The following RRP12 variants were observed in gnomAD, a reference collection of about 807,000 sequenced individuals.
The protein encoded by RRP12 is ribosomal RNA processing 12 homolog, also known as RRP12-like protein.
Under a neutral mutation model 157.3 loss-of-function variants are expected in RRP12, and 78 were observed. The observed-to-expected ratio is 0.50, with a 90% CI of 0.41 to 0.60. The LOEUF is 0.60. Among genes scored for constraint, RRP12 ranks in the 20% least tolerant of loss-of-function variants. The pLI is 0.00. For synonymous variants in RRP12, 726 were observed against 670.9 expected (o/e 1.08, Z -1.27); for missense variants, 1,521 against 1,679.9 (o/e 0.91, Z 1.65).
rs1844136773 is a variant in RRP12, at chr10:97,371,023, C to T, written c.2402G>A (p.Ser801Asn). 1 of 1,613,822 alleles carries T rather than the reference C, an allele frequency of 6.2e-7. No individual in the cohort carries two copies. The highest frequency in any genetic ancestry group is 1.3e-5 in the African/African-American group (1 of 74,902). ...AYRVLEEVCA[S>N]PQGPGALFVQ... ...GAAGAGGGCCCCGGGGCCCTGAGGA[C>T]TGGCACACACCTCCTCCAGCACTCG... Residue 801 changes from serine (S) to asparagine (N), a missense_variant, in exon 21 of 34, where the codon AGT becomes AAT. Coordinates refer to ENST00000370992, the MANE Select transcript of RRP12 (RefSeq NM_015179.4).
chr10:97,371,593 G>C (rs574343034), intron 20 of RRP12: 1 of 184,710 alleles, frequency 5.4e-6, no homozygotes, highest in African/African-American at 2.3e-5. Flanking sequence ...GTGGCAATGG[G>C]GGCAGCTTTC....
intron 8 of RRP12, among the ~76,000 whole-genome samples, chr10:97,386,247 G>C (rs954460577): frequency 1.3e-5 from 2 of 149,256 alleles, no homozygotes; most frequent in African/African-American, 5.0e-5. Context: ...GGCTATAAAC[G>C]GTCTGTTACA....
intron 4 of RRP12, among the ~76,000 whole-genome samples, chr10:97,393,028 T>C (rs1057035304): frequency 6.6e-6 from 1 of 151,834 alleles, no homozygotes; most frequent in Non-Finnish European, 1.5e-5. Flanking sequence ...CCACAGCATG[T>C]AGCCTACCCA....
intron 11 of RRP12, 21 bp from the exon 12 acceptor site, chr10:97,381,504 C>T (rs1844466493): frequency 2.5e-6 from 4 of 1,581,996 alleles, no homozygotes; most frequent in Non-Finnish European, 3.4e-6. Context: ...AGGCCACAGG[C>T]TTTCTGGGCC....
intron 23 of RRP12, 85 bp from the exon 24 acceptor site, chr10:97,370,359 G>C: frequency 7.3e-7 from 1 of 1,368,000 alleles, no homozygotes; most frequent in South Asian, 1.2e-5. Context: ...GCCTGCCCAG[G>C]GCCAGGGCAC....
intron 13 of RRP12, 45 bp downstream of exon 13, chr10:97,380,754 A>G (rs7078004): frequency 0.34 from 475,753 of 1,398,050 alleles, 82,841 homozygotes; most frequent in African/African-American, 0.51. Flanking sequence ...ATAGTCCAAG[A>G]GCCAGCACCA....
chr10:97,381,122 G>C (rs1844455339), intron 12 of RRP12, among the ~76,000 whole-genome samples: 2 of 152,210 alleles, frequency 1.3e-5, no homozygotes, highest in South Asian at 4.1e-4. Flanking sequence ...AGTGCTTAAA[G>C]AAAAACCAAT....
chr10:97,372,810 G>A lies in RRP12; in HGVS notation c.2182-7C>T, dbSNP rs1298334433. ...CCAGGAGACTGTTCACCAACTTGTG[G>A]CCCCGAGGGAATGAGGAGAAGAGAG... On this transcript the variant is annotated splice_region_variant and splice_polypyrimidine_tract_variant and intron_variant, in intron 18 of 33. Coordinates refer to ENST00000370992, the MANE Select transcript of RRP12 (RefSeq NM_015179.4). 1 of 1,559,896 alleles carries A rather than the reference G, an allele frequency of 6.4e-7. No homozygotes were observed.
chr10:97,370,636 A>AT, intron 22 of RRP12, 76 bp from the exon 23 acceptor site: 1 of 1,587,204 alleles, frequency 6.3e-7, no homozygotes, highest in Non-Finnish European at 8.7e-7. Context: ...TCCCACTCCC[A>AT]TCACTGCCCT....
intron 15 of RRP12, among the ~76,000 whole-genome samples, chr10:97,376,337 C>T (rs1844307235): frequency 6.6e-6 from 1 of 150,796 alleles, no homozygotes; most frequent in Non-Finnish European, 1.5e-5. Context: ...GCCTCAGCCT[C>T]CCAAGTAGCT....
intron 1 of RRP12, 137 bp downstream of exon 1, chr10:97,400,956 G>A: frequency 1.9e-6 from 2 of 1,077,722 alleles, no homozygotes; most frequent in Admixed American, 5.6e-5. Context: ...CCTTCAGAGA[G>A]GGCTCCAGAT....
chr10:97,373,663 C>A lies in RRP12; in HGVS notation c.1938G>T (p.Thr646=), dbSNP rs143648120. ...GACGCTCGCTGATGGCCATGCCCAG[C>A]GTCCGTGCCAGCCCTTTGAAGGAGA... The part of the protein sequence containing the change: ...VAISFKGLAR[T]LGMAISERPD... The change falls in exon 17 of 34, where the codon ACG becomes ACT. Residue 646 remains threonine, a synonymous_variant. Transcript: ENST00000370992. 1.2e-5 allele frequency: 20 copies of A among 1,613,790 alleles called. No homozygotes were observed. Among genetic ancestry groups the A allele is most frequent in the Middle Eastern group, 1.6e-4 (1 of 6,068 alleles).
At chr10:97,358,311 G>A (rs574423073) in intron 33 of RRP12, among the ~76,000 whole-genome samples, 2 of 151,964 alleles carry the variant, frequency 1.3e-5, no homozygotes, top group East Asian at 1.9e-4. Context: ...CCAGCCTGGC[G>A]ACAGAGCAAG....
chr10:97,386,131 G>A, intron 8 of RRP12, 138 bp from the exon 9 acceptor site: 1 of 595,820 alleles, frequency 1.7e-6, no homozygotes, highest in Non-Finnish European at 3.1e-6. Context: ...ACACCCTGAG[G>A]ACTGCCACCT....
In RRP12 at chr10:97,366,748, C is replaced by T; in HGVS notation, c.3209G>A (p.Gly1070Asp). The change falls in exon 27 of 34, where the codon GGT (glycine) becomes GAT (aspartate). Residue 1070 changes from glycine (G) to aspartate (D), a missense_variant. Coordinates refer to ENST00000370992, the MANE Select transcript of RRP12 (RefSeq NM_015179.4). The part of the protein sequence containing the change: ...EEEEEPAQGK[G>D]DSIEEILADS... ...GGCCCTAACATGGTCTCACCTGTCA[C>T]CTTTGCCCTGGGCGGGCTCCTCCTC... is the stretch of plus-strand genomic sequence containing the variant. 8.1e-6 allele frequency: 13 copies of T among 1,613,184 alleles called. No homozygotes were observed. Among genetic ancestry groups the T allele is most frequent in the Non-Finnish European group, 1.1e-5 (13 of 1,179,582 alleles).
At chr10:97,387,770 A>C (rs1299031033) in intron 8 of RRP12, among the ~76,000 whole-genome samples, 1 of 151,760 alleles carries the variant, frequency 6.6e-6, no homozygotes, top group Non-Finnish European at 1.5e-5. Flanking sequence ...GAGAAACCCC[A>C]TCTCTACTAA....
At chr10:97,373,520 G>T in intron 17 of RRP12, 55 bp downstream of exon 17, 1 of 1,514,724 alleles carries the variant, frequency 6.6e-7, no homozygotes. Context: ...CCAGGGGATG[G>T]GGCCAGGGAC....
intron 6 of RRP12, among the ~76,000 whole-genome samples, chr10:97,388,834 T>C (rs1273967371): frequency 6.6e-6 from 1 of 152,208 alleles, no homozygotes; most frequent in Non-Finnish European, 1.5e-5. Flanking sequence ...ATCCCTGCTC[T>C]ACAACTAACT....
chr10:97,388,358 G>C lies in RRP12; in HGVS notation c.911C>G (p.Thr304Arg). The change falls in exon 8 of 34, where the codon ACG becomes AGG. Residue 304 changes from threonine (T) to arginine (R), a missense_variant. Coordinates refer to ENST00000370992, the MANE Select transcript of RRP12 (RefSeq NM_015179.4). ...KSGGSKEATTTLHMLTLLKDL... is the reference protein window; with the variant it reads ...KSGGSKEATTRLHMLTLLKDL... ...CTTCAGCAGCGTCAGCATGTGCAGC[G>C]TGGTGGTGGCCTCCTTGGAGCCTGG... 1 of 1,613,944 alleles carries C rather than the reference G, an allele frequency of 6.2e-7. No homozygotes were observed.
Sources: allele counts gnomAD v4.1 joint callset (sites outside exome capture counted in the v4.1 genomes callset), GRCh38; gene constraint gnomAD v4.1.1; transcripts MANE v1.5; gene names NCBI Gene and HGNC (gene_info 2026-07-23, HGNC 2026-07-21).